STAU1: variants seen among roughly 807,000 people sequenced by gnomAD.
The protein encoded by STAU1 is staufen double-stranded RNA binding protein 1, also known as double-stranded RNA-binding protein Staufen homolog 1.
Under a neutral mutation model 62.9 loss-of-function variants are expected in STAU1, and 13 were observed. The ratio of observed to expected loss-of-function variants is 0.21; its 90% CI spans 0.13 to 0.33. The LOEUF (loss-of-function observed/expected upper bound fraction) is 0.33, where lower values mean the gene tolerates loss of function less well. Ranked by LOEUF, STAU1 falls within the 10% of genes least tolerant of loss-of-function variation. The pLI, the probability that STAU1 is intolerant of heterozygous loss-of-function variation, is 1.00. For synonymous variants in STAU1, 269 were observed against 265.1 expected (o/e 1.01, Z -0.14); for missense variants, 571 against 712.1 (o/e 0.80, Z 2.25).
At chr20:49,204,646 ATTTTTTTTTTTTT>A in the STAU1 span, among the ~76,000 whole-genome samples, 4 of 32,168 alleles carry the variant, frequency 1.2e-4, no homozygotes, top group Non-Finnish European at 1.5e-4. Context: ...ATATATATAT[ATTTTTTTTTTTTT>A]TTTTTTTTTT....
At chr20:49,128,182 AGT>A (rs202113213) in intron 6 of STAU1, among the ~76,000 whole-genome samples, 1,775 of 151,056 alleles carry the variant, frequency 0.012, 37 homozygotes, top group African/African-American at 0.04. Flanking sequence ...AAATTAGCCC[AGT>A]GTGTGGTGGC....
the STAU1 span, among the ~76,000 whole-genome samples, chr20:49,212,615 A>ATATTTTTTTTTTTTTTTTTT: frequency 3.5e-5 from 3 of 85,176 alleles, no homozygotes; most frequent in Non-Finnish European, 6.6e-5. Flanking sequence ...AGCTATTGGA[A>ATATTTTTTTTTTTTTTTTTT]TTTTTTTTTT....
the STAU1 span, among the ~76,000 whole-genome samples, chr20:49,203,401 C>G: frequency 6.6e-6 from 1 of 151,900 alleles, no homozygotes; most frequent in African/African-American, 2.4e-5. Flanking sequence ...TCTGTGAAAC[C>G]AAAAGTGATC....
At chr20:49,206,309 A>G in the STAU1 span, among the ~76,000 whole-genome samples, 1 of 151,428 alleles carries the variant, frequency 6.6e-6, no homozygotes, top group African/African-American at 2.4e-5. Flanking sequence ...TAATTTTCTT[A>G]ATCAAAGTAA....
chr20:49,125,532 A>AG (rs1169690098), intron 6 of STAU1, among the ~76,000 whole-genome samples: 5 of 124,238 alleles, frequency 4.0e-5, no homozygotes, highest in African/African-American at 6.4e-5. Context: ...CCTGTCTCAA[A>AG]GGAAAAAAAA....
chr20:49,147,783 C>A (rs1012475703), intron 5 of STAU1, among the ~76,000 whole-genome samples: 1 of 152,198 alleles, frequency 6.6e-6, no homozygotes, highest in Admixed American at 6.5e-5. Context: ...TAGGTGTGTG[C>A]TGAATTTGGG....
At chr20:49,129,388 A>G (rs909658476) in intron 6 of STAU1, among the ~76,000 whole-genome samples, 5 of 143,880 alleles carry the variant, frequency 3.5e-5, no homozygotes, top group African/African-American at 1.3e-4. Context: ...CCTGGGTTCA[A>G]GCGTTTCTCC....
intron 6 of STAU1, among the ~76,000 whole-genome samples, chr20:49,126,573 G>GCAAAAAAAAAAAAA (rs2092619009): frequency 2.2e-4 from 1 of 4,512 alleles, no homozygotes; most frequent in African/African-American, 1.1e-3. Flanking sequence ...GTCTCAAAAA[G>GCAAAAAAAAAAAAA]CAAAAAAAAA....
upstream of STAU1, among the ~76,000 whole-genome samples, chr20:49,190,945 G>A (rs1258378523): frequency 7.2e-6 from 1 of 139,222 alleles, no homozygotes. Flanking sequence ...TCACTCTGTT[G>A]CCCAAGCTGA....
chr20:49,120,897 C>G (rs928472067), intron 8 of STAU1, among the ~76,000 whole-genome samples: 2 of 152,014 alleles, frequency 1.3e-5, no homozygotes, highest in African/African-American at 4.8e-5. Context: ...CAGGTTCAAG[C>G]GATTCTCCTG....
At chr20:49,115,726 C>G in intron 13 of STAU1, 56 bp downstream of exon 13, 1 of 1,471,150 alleles carries the variant, frequency 6.8e-7, no homozygotes, top group Non-Finnish European at 9.5e-7. Context: ...AAACTCAACA[C>G]AAACGAGGGG....
At chr20:49,168,573 A>G (rs753756064) in intron 2 of STAU1, among the ~76,000 whole-genome samples, 12 of 152,230 alleles carry the variant, frequency 7.9e-5, no homozygotes, top group Non-Finnish European at 1.2e-4. Context: ...GACTAGGTAA[A>G]TTTAAATTTC....
chr20:49,206,784 T>C, the STAU1 span, among the ~76,000 whole-genome samples: 3 of 142,646 alleles, frequency 2.1e-5, no homozygotes, highest in Non-Finnish European at 4.5e-5. Context: ...TGAGACAGAG[T>C]CTGGCTCTGT....
In STAU1 at chr20:49,168,824, G is replaced by A. The variant is rs998493821; in HGVS notation, c.-84-2539C>T. Reference sequence around the variant, plus strand: ...ATATTTAGTGGATAGAGGAGCCAGGGATACTGTTACAAGCACACATATACT... The same window carrying A: ...ATATTTAGTGGATAGAGGAGCCAGGAATACTGTTACAAGCACACATATACT... On this transcript the variant is annotated intron_variant, in intron 2 of 13. Coordinates refer to ENST00000371856, the MANE Select transcript of STAU1 (RefSeq NM_017453.4). Among the ~76,000 whole-genome samples, 9 of 152,106 alleles carry A rather than the reference G, an allele frequency of 5.9e-5. No individual in the cohort carries two copies. The South Asian group carries it at 6.2e-4, about 10-fold the overall frequency.
At position 49,125,217 on chromosome 20, in the gene STAU1, A is replaced by C. The variant is rs1338931368; in HGVS notation, c.610-630T>G. ...TTTTTGCAAAAAAAAAAAAAAAAAA[A>C]AAAAAAACGAAGGATAAAAAAAATC... On this transcript the variant is annotated intron_variant, in intron 6 of 13. Coordinates refer to ENST00000371856, the MANE Select transcript of STAU1 (RefSeq NM_017453.4). Among the ~76,000 whole-genome samples, 85 of 146,828 alleles carry C rather than the reference A, an allele frequency of 5.8e-4. 1 individual carries two copies. The highest frequency in any genetic ancestry group is 1.2e-3 in the Non-Finnish European group (78 of 66,696).
At chr20:49,191,508 A>AG (rs3092562), upstream of STAU1, among the ~76,000 whole-genome samples, 111,377 of 151,918 alleles carry the variant, frequency 0.73, 41,696 homozygotes, top group African/African-American at 0.88. Context: ...GGGACACAAT[A>AG]GTACATGATA....
chr20:49,168,689 A>G (rs992537969), intron 2 of STAU1, among the ~76,000 whole-genome samples: 2 of 152,186 alleles, frequency 1.3e-5, no homozygotes, highest in African/African-American at 4.8e-5. Flanking sequence ...AGAGCATCTA[A>G]GGTAGTGATT....
chr20:49,158,638 C>G lies in STAU1; in HGVS notation c.206-4567G>C, dbSNP rs149330769. Reference sequence around the variant, plus strand: ...CAGCCTGGCCTACATAGTGAAACCCCATCTCTACTAAAAATGCAAAAATTA... The same window carrying G: ...CAGCCTGGCCTACATAGTGAAACCCGATCTCTACTAAAAATGCAAAAATTA... On this transcript the variant is annotated intron_variant, in intron 3 of 13. Coordinates refer to ENST00000371856, the MANE Select transcript of STAU1 (RefSeq NM_017453.4). 1.4e-3 allele frequency: 850 copies of G among 611,204 alleles called. 6 individuals are homozygous for G. In the African/African-American group the frequency reaches 0.015, roughly 11 times the overall value. The allele number at this position is 611,204 out of a possible 1,614,324, so 37.9% of individuals were successfully genotyped here.
chr20:49,201,748 A>T, the STAU1 span, among the ~76,000 whole-genome samples: 2 of 148,016 alleles, frequency 1.4e-5, no homozygotes, highest in Admixed American at 7.2e-5. Context: ...TCTCAAAAAA[A>T]AAAAAAAAAA....
Sources: gnomAD v4.1 joint callset for allele counts (sites outside exome capture counted in the v4.1 genomes callset) on GRCh38, gnomAD v4.1.1 for gene constraint, MANE v1.5 for transcripts, NCBI Gene and HGNC (gene_info 2026-07-23, HGNC 2026-07-21) for gene names.